Variants in IQGAP2 observed in about 807,000 individuals in gnomAD.
The protein encoded by IQGAP2 is IQ motif containing GTPase activating protein 2, also known as ras GTPase-activating-like protein IQGAP2.
A neutral mutation model predicts 201.3 loss-of-function variants in IQGAP2; 173 were observed. The ratio of observed to expected loss-of-function variants is 0.86; its 90% confidence interval spans 0.76 to 0.98. The LOEUF is 0.98. Ranked by LOEUF, IQGAP2 falls within the 50% of genes least tolerant of loss-of-function variation. The pLI is 0.00. For synonymous variants in IQGAP2, 675 were observed against 673.9 expected (o/e 1.00, Z -0.03); for missense variants, 1,687 against 1,864.8 (o/e 0.90, Z 1.76).
intron 21 of IQGAP2, among the ~76,000 whole-genome samples, chr5:76,662,478 T>G (rs1743344181): frequency 6.6e-6 from 1 of 152,182 alleles, no homozygotes; most frequent in Middle Eastern, 3.2e-3. Context: ...AGCCCCCAGT[T>G]TCTAGAGTGA....
At position 76,658,568 on chromosome 5, in the gene IQGAP2, A is replaced by G. The variant is rs1277823002; in HGVS notation, c.2430A>G (p.Glu810=). 1 of 1,614,150 alleles carries G rather than the reference A, an allele frequency of 6.2e-7. No homozygotes were observed. Among genetic ancestry groups the G allele is most frequent in the Non-Finnish European group, 8.5e-7 (1 of 1,180,000 alleles). ...TAGAGGTTGCACGATTAAGGGAAGA[A>G]GTAGTGACCAAGATCAGGGCCAATC... ...EELEVARLRE[E]VVTKIRANQQ... The change falls in exon 21 of 36, where the codon GAA becomes GAG. Residue 810 remains glutamate (E), a synonymous_variant. Coordinates refer to ENST00000274364, the MANE Select transcript of IQGAP2 (RefSeq NM_006633.5).
intron 1 of IQGAP2, among the ~76,000 whole-genome samples, chr5:76,451,439 A>G (rs958507501): frequency 1.3e-5 from 2 of 151,752 alleles, no homozygotes; most frequent in Non-Finnish European, 2.9e-5. Context: ...CTCTTACCCT[A>G]CCTGTTTTCT....
intron 2 of IQGAP2, among the ~76,000 whole-genome samples, chr5:76,474,685 C>T (rs888667342): frequency 6.6e-6 from 1 of 152,150 alleles, no homozygotes. Context: ...TGACTTAGGG[C>T]AGTGATCCCC....
chr5:76,611,200 C>T lies in IQGAP2; in HGVS notation c.1521+17C>T. On this transcript the variant is annotated intron_variant, in intron 13 of 35. Coordinates refer to ENST00000274364, the MANE Select transcript of IQGAP2 (RefSeq NM_006633.5). ...AAACTCGGAGTAAGTTTTAGTATATCTGTTTCTTTTAAATTTTACAGGCTG... is the reference window on the plus strand; with the variant it reads ...AAACTCGGAGTAAGTTTTAGTATATTTGTTTCTTTTAAATTTTACAGGCTG... 3 of 1,588,848 alleles carry T rather than the reference C, an allele frequency of 1.9e-6. No homozygotes were observed. Among genetic ancestry groups the T allele is most frequent in the Non-Finnish European group, 1.7e-6 (2 of 1,166,124 alleles).
chr5:76,535,292 G>C (rs1759551845), intron 2 of IQGAP2, among the ~76,000 whole-genome samples: 1 of 152,102 alleles, frequency 6.6e-6, no homozygotes, highest in African/African-American at 2.4e-5. Flanking sequence ...ATACAGGTGA[G>C]GGATACTTTG....
chr5:76,645,363 CA>C (rs1397195300), intron 17 of IQGAP2, among the ~76,000 whole-genome samples: 2 of 152,164 alleles, frequency 1.3e-5, no homozygotes, highest in African/African-American at 4.8e-5. Flanking sequence ...GGTACATACC[CA>C]GTAATGGGAT....
At chr5:76,687,448 A>G (rs536867664) in intron 30 of IQGAP2, among the ~76,000 whole-genome samples, 2 of 152,234 alleles carry the variant, frequency 1.3e-5, no homozygotes, top group Non-Finnish European at 2.9e-5. Context: ...AGATAATTAC[A>G]AAGTGCAGCA....
intron 1 of IQGAP2, among the ~76,000 whole-genome samples, chr5:76,439,877 G>C (rs1752933995): frequency 1.3e-5 from 2 of 152,126 alleles, no homozygotes; most frequent in South Asian, 2.1e-4. Flanking sequence ...GTGAGGTACT[G>C]TTCCAATCAT....
At chr5:76,425,017 A>T (rs1013690360) in intron 1 of IQGAP2, among the ~76,000 whole-genome samples, 1 of 152,222 alleles carries the variant, frequency 6.6e-6, no homozygotes, top group African/African-American at 2.4e-5. Flanking sequence ...GAGGGTCTGG[A>T]CTGCCATGGG....
At chr5:76,650,435 A>G (rs430389) in intron 17 of IQGAP2, among the ~76,000 whole-genome samples, 76,180 of 152,058 alleles carry the variant, frequency 0.5, 19,524 homozygotes, top group Non-Finnish European at 0.56. Context: ...GATATTCTAG[A>G]TATTGAGGTA....
chr5:76,667,877 C>CTTTTTTTTTTTTTTTTTTT lies in IQGAP2; in HGVS notation c.2680-799_2680-781dup, dbSNP rs540744402. Among the ~76,000 whole-genome samples the CTTTTTTTTTTTTTTTTTTT allele has an allele frequency of 2.7e-4, 33 of 123,414 alleles. 1 individual carries two copies. Among genetic ancestry groups the CTTTTTTTTTTTTTTTTTTT allele is most frequent in the African/African-American group, 9.4e-4 (30 of 31,938 alleles). 81.0% of individuals were successfully genotyped at this position (123,414 alleles called of 152,430 possible). A position where few individuals can be genotyped will look rare whatever the true frequency, so the allele number is the denominator to read the frequency against. ...TGTAGCCGGGCCCTTAGTCCACTTT[C>CTTTTTTTTTTTTTTTTTTT]TTTTTTTTTTTTTTTTTTTTTTTGA... On this transcript the variant is annotated intron_variant, in intron 22 of 35. Transcript: ENST00000274364.
intron 2 of IQGAP2, among the ~76,000 whole-genome samples, chr5:76,547,992 T>C (rs1435675974): frequency 3.3e-5 from 5 of 152,236 alleles, no homozygotes; most frequent in Non-Finnish European, 7.3e-5. Context: ...CTTGGTAGCA[T>C]TACGCTTTAA....
chr5:76,625,198 C>G (rs1463525739), intron 13 of IQGAP2, among the ~76,000 whole-genome samples: 2 of 152,152 alleles, frequency 1.3e-5, no homozygotes, highest in Non-Finnish European at 2.9e-5. Flanking sequence ...TGTAATTTCT[C>G]TCTTCAGTTT....
chr5:76,542,661 C>A (rs1192492465), intron 2 of IQGAP2, among the ~76,000 whole-genome samples: 2 of 152,218 alleles, frequency 1.3e-5, no homozygotes, highest in Non-Finnish European at 2.9e-5. Context: ...ATCCCTTGAG[C>A]CCCTTGAGGG....
At position 76,673,969 on chromosome 5, in the gene IQGAP2, T is replaced by C. The variant is rs368432599; in HGVS notation, c.3227T>C (p.Ile1076Thr). 279 of 1,595,112 alleles carry C rather than the reference T, an allele frequency of 1.7e-4. No individual in the cohort carries two copies. The highest frequency in any genetic ancestry group is 2.3e-4 in the Non-Finnish European group (270 of 1,163,030). ...ATATGTAGTTATGGATTGAGGTATA[T>C]AGCCAAAGTACTGAAGAATTCGATC... ...LDLLPYGLRY[I>T]AKVLKNSIHE... The change falls in exon 26 of 36, where the codon ATA (isoleucine) becomes ACA (threonine). Residue 1076 changes from isoleucine (I) to threonine (T), a missense_variant. Physicochemically the swap from Ile to Thr is moderately conservative, Grantham distance 89. Coordinates refer to ENST00000274364, the MANE Select transcript of IQGAP2 (RefSeq NM_006633.5).
chr5:76,570,554 C>G, intron 3 of IQGAP2, 26 bp from the exon 4 acceptor site: 1 of 1,555,646 alleles, frequency 6.4e-7, no homozygotes. Flanking sequence ...CCTTCTCTCC[C>G]TTTTTCCCTC....
chr5:76,628,200 C>T (rs1285111483), intron 14 of IQGAP2, among the ~76,000 whole-genome samples: 1 of 152,186 alleles, frequency 6.6e-6, no homozygotes, highest in East Asian at 1.9e-4. Flanking sequence ...GGTGACTGTA[C>T]TTAGGAGAAA....
chr5:76,624,093 G>A (rs373143392), intron 13 of IQGAP2, among the ~76,000 whole-genome samples: 8 of 152,060 alleles, frequency 5.3e-5, no homozygotes, highest in Admixed American at 3.3e-4. Context: ...CATGAGTGTT[G>A]GTGAATAAGT....
chr5:76,425,891 A>G (rs531678200), intron 1 of IQGAP2, among the ~76,000 whole-genome samples: 2 of 152,300 alleles, frequency 1.3e-5, no homozygotes, highest in Admixed American at 6.5e-5. Context: ...TTGTTCATGC[A>G]TGCTGGGGTT....
Sources: gnomAD v4.1 joint callset for allele counts (sites outside exome capture counted in the v4.1 genomes callset) on GRCh38, gnomAD v4.1.1 for gene constraint, MANE v1.5 for transcripts, NCBI Gene and HGNC (gene_info 2026-07-23, HGNC 2026-07-21) for gene names.